GAK: variants seen among roughly 807,000 people sequenced by gnomAD.
GAK encodes the protein cyclin G associated kinase, also known as cyclin-G-associated kinase.
GAK carries 79 observed loss-of-function variants against 143.9 expected under a neutral mutation model. That is an observed-to-expected ratio of 0.55 (90% CI 0.46 to 0.66). GAK has a LOEUF of 0.66. Ranked by LOEUF, GAK falls within the 30% of genes least tolerant of loss-of-function variation. GAK has a pLI of 0.00. For missense variants in GAK, 1,693 were observed against 1,779.7 expected (o/e 0.95, Z 0.88); for synonymous variants, 881 against 765.5 (o/e 1.15, Z -2.49).
At chr4:904,879 G>T in intron 4 of GAK, 100 bp from the exon 5 acceptor site, 22 of 1,189,832 alleles carry the variant, frequency 1.8e-5, no homozygotes, top group East Asian at 8.1e-5. Flanking sequence ...AAATGGAAAG[G>T]AAAACCCTGA....
chr4:915,164 C>T (rs1237709022), intron 1 of GAK, among the ~76,000 whole-genome samples: 3 of 146,172 alleles, frequency 2.1e-5, no homozygotes, highest in African/African-American at 5.1e-5. Flanking sequence ...CCAGTATACA[C>T]GGCCCCACAC....
chr4:896,195 G>A (rs370047183), intron 7 of GAK, among the ~76,000 whole-genome samples: 10 of 152,196 alleles, frequency 6.6e-5, no homozygotes, highest in African/African-American at 1.2e-4. Flanking sequence ...GCCCAGGGGC[G>A]GGAGGCTGCG....
Position 851,815 on chromosome 4 carries a change from T to G in GAK, c.3443A>C (p.Asn1148Thr), listed in dbSNP as rs762158341. ...PPKACTQPRPNYASNFSVIGA... is the reference protein window; with the variant it reads ...PPKACTQPRPTYASNFSVIGA... ...GATCACACTGAAGTTCGAGGCATAG[T>G]TAGGCCTTGGCTGTGTGCAGGCTTT... Residue 1148 changes from asparagine to threonine, a missense_variant, in exon 25 of 28, where the codon AAC (asparagine) becomes ACC (threonine). By Grantham distance (65) the Asn-to-Thr change is moderately conservative. Coordinates refer to ENST00000314167, the MANE Select transcript of GAK (RefSeq NM_005255.4). The G allele has an allele frequency of 1.2e-6, 2 of 1,612,362 alleles. No individual in the cohort carries two copies. Among genetic ancestry groups the G allele is most frequent in the East Asian group, 2.2e-5 (1 of 44,862 alleles).
At chr4:907,735 C>T (rs986040787) in intron 4 of GAK, among the ~76,000 whole-genome samples, 1 of 152,192 alleles carries the variant, frequency 6.6e-6, no homozygotes, top group Non-Finnish European at 1.5e-5. Context: ...TGCAGCTGCA[C>T]GGGGGAGCCC....
chr4:862,058 C>G (rs920044460), intron 23 of GAK, among the ~76,000 whole-genome samples: 1 of 152,150 alleles, frequency 6.6e-6, no homozygotes, highest in Non-Finnish European at 1.5e-5. Flanking sequence ...CAGCTGAGAC[C>G]ACTGATGAAG....
At chr4:869,661 TGCACACACA>T (rs2040396948) in intron 19 of GAK, 1 of 128,114 alleles carries the variant, frequency 7.8e-6, no homozygotes, top group Non-Finnish European at 1.6e-5. Context: ...TACACACGAA[TGCACACACA>T]GCACATACAC....
At chr4:925,472 A>G (rs915828999) in intron 1 of GAK, among the ~76,000 whole-genome samples, 2 of 152,210 alleles carry the variant, frequency 1.3e-5, no homozygotes, top group Non-Finnish European at 2.9e-5. Context: ...TTTTTTAATC[A>G]ACTCGGCCTC....
intron 15 of GAK, among the ~76,000 whole-genome samples, chr4:879,203 CCA>C (rs369569792): frequency 6.6e-6 from 1 of 152,184 alleles, no homozygotes; most frequent in African/African-American, 2.4e-5. Context: ...CGCTCTTCCC[CCA>C]CCATCCTGTT....
chr4:898,267 C>T (rs1219998576), intron 5 of GAK, 109 bp from the exon 6 acceptor site: 46 of 1,301,340 alleles, frequency 3.5e-5, no homozygotes, highest in South Asian at 2.7e-5. Flanking sequence ...AGACAGCACT[C>T]GCCCAGGGCC....
At chr4:904,254 CG>C in intron 5 of GAK, among the ~76,000 whole-genome samples, 2 of 136,578 alleles carry the variant, frequency 1.5e-5, no homozygotes, top group African/African-American at 2.9e-5. Flanking sequence ...GGCTCCTAAC[CG>C]AGCGGGACCC....
intron 10 of GAK, 73 bp from the exon 11 acceptor site, chr4:889,043 G>A: frequency 6.7e-7 from 1 of 1,503,400 alleles, no homozygotes; most frequent in Non-Finnish European, 8.9e-7. Context: ...TGCTGGCTGG[G>A]CCCAGGCCCC....
intron 20 of GAK, among the ~76,000 whole-genome samples, chr4:868,020 C>T (rs1751523797): frequency 2.0e-5 from 3 of 152,224 alleles, no homozygotes; most frequent in South Asian, 2.1e-4. Flanking sequence ...GCAGAAGGGA[C>T]GAGCCCGATG....
chr4:881,933 T>C lies in GAK; in HGVS notation c.1635A>G (p.Pro545=). 1 of 1,592,754 alleles carries C rather than the reference T, an allele frequency of 6.3e-7. No homozygotes were observed. Among genetic ancestry groups the C allele is most frequent in the Non-Finnish European group, 8.6e-7 (1 of 1,169,372 alleles). ...TTTTGTGGGATGGCCAGATGCCTGGTGGGCAGCGCTTCATGCTGAACATGT... is the reference window on the plus strand; with the variant it reads ...TTTTGTGGGATGGCCAGATGCCTGGCGGGCAGCGCTTCATGCTGAACATGT... ...AVYMFSMKRC[P]PGIWPSHKRY... The change falls in exon 15 of 28, where the codon CCA becomes CCG. Residue 545 remains proline (P), a synonymous_variant. Transcript: ENST00000314167.
At chr4:856,583 C>CCACCACAGGTGCTCACAGCTGCT (rs1336890529) in intron 24 of GAK, among the ~76,000 whole-genome samples, 27 of 73,488 alleles carry the variant, frequency 3.7e-4, no homozygotes, top group East Asian at 1.7e-3. Context: ...CAGCTGCTCA[C>CCACCACAGGTGCTCACAGCTGCT]CACCACAGGT....
chr4:931,979 T>C (rs1414322542), intron 1 of GAK, 64 bp downstream of exon 1: 1 of 1,205,202 alleles, frequency 8.3e-7, no homozygotes, highest in Admixed American at 1.9e-5. Context: ...GGGCTGACGC[T>C]GCCCCCAGCG....
chr4:931,656 T>TGG (rs1365554369), intron 1 of GAK, among the ~76,000 whole-genome samples: 2 of 152,148 alleles, frequency 1.3e-5, no homozygotes, highest in African/African-American at 4.8e-5. Flanking sequence ...GTCTCCGCTG[T>TGG]GGGTCCCCAC....
intron 24 of GAK, chr4:852,965 C>T (rs939727356): frequency 6.6e-6 from 1 of 152,236 alleles, no homozygotes; most frequent in Non-Finnish European, 1.5e-5. Flanking sequence ...TTCCTCTCAG[C>T]ACCACAGCAA....
At chr4:902,246 A>C (rs1221488653) in intron 5 of GAK, among the ~76,000 whole-genome samples, 2 of 151,624 alleles carry the variant, frequency 1.3e-5, no homozygotes, top group East Asian at 1.9e-4. Flanking sequence ...AAAAAAAAAA[A>C]AAAAACAGAA....
chr4:881,022 G>C (rs1714992504), intron 15 of GAK, among the ~76,000 whole-genome samples: 1 of 152,204 alleles, frequency 6.6e-6, no homozygotes, highest in Non-Finnish European at 1.5e-5. Context: ...GCTGGATGGG[G>C]CGGCAATGAT....
Sources: allele counts gnomAD v4.1 joint callset (sites outside exome capture counted in the v4.1 genomes callset), GRCh38; gene constraint gnomAD v4.1.1; transcripts MANE v1.5; gene names NCBI Gene and HGNC (gene_info 2026-07-23, HGNC 2026-07-21).